Variants in FOXP2 observed in about 807,000 individuals in gnomAD.
FOXP2 encodes forkhead box P2, also known as forkhead box protein P2.
Under a neutral mutation model 115.8 loss-of-function variants are expected in FOXP2, and 12 were observed. The ratio of observed to expected loss-of-function variants is 0.10; its 90% CI spans 0.07 to 0.17. The LOEUF (loss-of-function observed/expected upper bound fraction) is 0.17, where lower values mean the gene tolerates loss of function less well. Ranked by LOEUF, FOXP2 falls within the 10% of genes least tolerant of loss-of-function variation. The pLI is 1.00. For missense variants in FOXP2, 629 were observed against 843.5 expected (o/e 0.75, Z 3.15); for synonymous variants, 328 against 297.7 (o/e 1.10, Z -1.05).
At chr7:114,166,384 T>C (rs1049180514) in intron 1 of FOXP2, among the ~76,000 whole-genome samples, 5 of 152,144 alleles carry the variant, frequency 3.3e-5, no homozygotes, top group African/African-American at 1.2e-4. Flanking sequence ...ATCTAAAATA[T>C]ACTACAAAGA....
chr7:114,220,791 G>A (rs2129163627), intron 1 of FOXP2, among the ~76,000 whole-genome samples: 1 of 152,232 alleles, frequency 6.6e-6, no homozygotes, highest in Admixed American at 6.5e-5. Flanking sequence ...CCTAAGGTTA[G>A]TGTATTAATG....
At chr7:114,323,598 T>G (rs1290319909) in intron 2 of FOXP2, among the ~76,000 whole-genome samples, 1 of 152,016 alleles carries the variant, frequency 6.6e-6, no homozygotes, top group Non-Finnish European at 1.5e-5. Flanking sequence ...AGGAGATACT[T>G]TCCAATTTGT....
chr7:114,623,620 T>C (rs1446275609), intron 3 of FOXP2, among the ~76,000 whole-genome samples: 1 of 151,836 alleles, frequency 6.6e-6, no homozygotes, highest in African/African-American at 2.4e-5. Context: ...AGCAGTCTGG[T>C]TTTCACCAGC....
intron 2 of FOXP2, among the ~76,000 whole-genome samples, chr7:114,455,883 C>T (rs1795293439): frequency 6.6e-6 from 1 of 152,138 alleles, no homozygotes; most frequent in Non-Finnish European, 1.5e-5. Context: ...TGTCCTGCCT[C>T]ACCATGCTAC....
chr7:114,598,864 G>A (rs1030402164), intron 3 of FOXP2, among the ~76,000 whole-genome samples: 2 of 152,020 alleles, frequency 1.3e-5, no homozygotes, highest in African/African-American at 2.4e-5. Flanking sequence ...TTGTAAAATA[G>A]AACATTTACC....
chr7:114,610,626 A>G (rs1803575241), intron 3 of FOXP2, among the ~76,000 whole-genome samples: 2 of 152,130 alleles, frequency 1.3e-5, no homozygotes, highest in African/African-American at 4.8e-5. Flanking sequence ...CACCAGGTTC[A>G]TTGAAGATGA....
intron 2 of FOXP2, among the ~76,000 whole-genome samples, chr7:114,484,944 A>G (rs1007257309): frequency 1.3e-5 from 2 of 151,884 alleles, no homozygotes; most frequent in Non-Finnish European, 2.9e-5. Context: ...TTAAGGTACT[A>G]TGTACTCTGG....
At chr7:114,453,650 G>T (rs1024989797) in intron 2 of FOXP2, among the ~76,000 whole-genome samples, 2 of 151,898 alleles carry the variant, frequency 1.3e-5, no homozygotes, top group African/African-American at 4.8e-5. Context: ...TCTTGTCCTT[G>T]CTTTCTTTGG....
At chr7:114,591,369 T>C (rs1044531981) in intron 3 of FOXP2, among the ~76,000 whole-genome samples, 2 of 152,116 alleles carry the variant, frequency 1.3e-5, no homozygotes, top group African/African-American at 2.4e-5. Flanking sequence ...TTTTGGAGAT[T>C]GTTTATATCC....
intron 2 of FOXP2, among the ~76,000 whole-genome samples, chr7:114,500,132 C>T (rs1797501513): frequency 6.7e-6 from 1 of 148,464 alleles, no homozygotes; most frequent in African/African-American, 2.5e-5. Flanking sequence ...AGGAGAATGG[C>T]GTGAACCCAG....
chr7:114,441,549 C>A (rs932934120), intron 2 of FOXP2, among the ~76,000 whole-genome samples: 5 of 152,054 alleles, frequency 3.3e-5, no homozygotes, highest in African/African-American at 1.2e-4. Flanking sequence ...ACAATAGCAG[C>A]CTTCAGTTTA....
chr7:114,581,543 T>C (rs1321068552), intron 3 of FOXP2, among the ~76,000 whole-genome samples: 1 of 152,142 alleles, frequency 6.6e-6, no homozygotes, highest in Admixed American at 6.6e-5. Flanking sequence ...CCTACACACA[T>C]AGCCTCTCCT....
At chr7:114,517,014 ATT>A (rs1300731811) in intron 2 of FOXP2, among the ~76,000 whole-genome samples, 2 of 150,432 alleles carry the variant, frequency 1.3e-5, no homozygotes, top group Admixed American at 1.3e-4. Flanking sequence ...AATAGTAACC[ATT>A]CTTTTTTTTT....
chr7:114,688,208 T>TACACAC (rs56751704), intron 16 of FOXP2, among the ~76,000 whole-genome samples: 10,504 of 115,132 alleles, frequency 0.091, 568 homozygotes, highest in Middle Eastern at 0.15. Flanking sequence ...CATACATGCA[T>TACACAC]ACACACACAC....
intron 2 of FOXP2, among the ~76,000 whole-genome samples, chr7:114,314,911 A>G (rs1797237894): frequency 1.3e-5 from 2 of 152,224 alleles, no homozygotes; most frequent in South Asian, 4.1e-4. Context: ...TCCTGTGTGC[A>G]ATGATTATAT....
chr7:114,174,747 T>C (rs1793242404), intron 1 of FOXP2, among the ~76,000 whole-genome samples: 1 of 152,102 alleles, frequency 6.6e-6, no homozygotes, highest in African/African-American at 2.4e-5. Flanking sequence ...TCATTCAGGT[T>C]TTACTAAATA....
At chr7:114,199,338 T>C (rs903281798) in intron 1 of FOXP2, among the ~76,000 whole-genome samples, 1 of 152,232 alleles carries the variant, frequency 6.6e-6, no homozygotes, top group East Asian at 1.9e-4. Context: ...ACTTTTAATG[T>C]ATTTTGTAAC....
chr7:114,553,014 C>T (rs562440927), intron 3 of FOXP2, among the ~76,000 whole-genome samples: 148 of 152,116 alleles, frequency 9.7e-4, no homozygotes, highest in African/African-American at 3.5e-3. Context: ...ACTTTTGAAA[C>T]AGTATTTCCC....
At chr7:114,139,676 A>G (rs1212348589) in intron 1 of FOXP2, among the ~76,000 whole-genome samples, 1 of 152,180 alleles carries the variant, frequency 6.6e-6, no homozygotes, top group Non-Finnish European at 1.5e-5. Context: ...CTTAAAGGCT[A>G]CTACTGTATT....
Sources: gnomAD v4.1 joint callset for allele counts (sites outside exome capture counted in the v4.1 genomes callset) on GRCh38, gnomAD v4.1.1 for gene constraint, MANE v1.5 for transcripts, NCBI Gene and HGNC (gene_info 2026-07-23, HGNC 2026-07-21) for gene names.